Variants in JPH3 observed in about 807,000 individuals in gnomAD.
JPH3 encodes the protein junctophilin-3.
Under a neutral mutation model 59.6 loss-of-function variants are expected in JPH3, and 11 were observed. That is an observed-to-expected ratio of 0.18 (90% CI 0.12 to 0.31). The LOEUF (loss-of-function observed/expected upper bound fraction) is 0.31, where lower values mean the gene tolerates loss of function less well. JPH3 is among the 10% of genes least tolerant of loss of function. The pLI is 1.00. For synonymous variants in JPH3, 673 were observed against 483.6 expected, an observed-to-expected ratio of 1.39 and a Z score of -5.14; for missense variants, 1,202 against 1,105.7, an observed-to-expected ratio of 1.09 and a Z score of -1.24.
In JPH3 at chr16:87,665,513, C is replaced by G. The variant is rs567256025; in HGVS notation, c.1161-18629C>G. ...CTCTGAGGGAACAACCTCCTCTGAG[C>G]CTCCCAAGGCCCCCCAACATTGTGG... On this transcript the variant is annotated intron_variant, in intron 2 of 4. Coordinates refer to ENST00000284262, the MANE Select transcript of JPH3 (RefSeq NM_020655.4). 5.9e-5 allele frequency among the ~76,000 whole-genome samples: 9 copies of G among 152,364 alleles called. 1 individual carries two copies. Among genetic ancestry groups the G allele is most frequent in the African/African-American group, 2.2e-4 (9 of 41,588 alleles).
intron 2 of JPH3, among the ~76,000 whole-genome samples, chr16:87,660,094 G>A (rs2032652686): frequency 6.6e-6 from 1 of 152,116 alleles, no homozygotes; most frequent in Admixed American, 6.5e-5. Context: ...TCACCTCCCT[G>A]TGCCTCAGTT....
At chr16:87,648,411 C>T (rs1449584092) in intron 2 of JPH3, among the ~76,000 whole-genome samples, 2 of 152,020 alleles carry the variant, frequency 1.3e-5, no homozygotes, top group Non-Finnish European at 2.9e-5. Flanking sequence ...GCTCCTGCCA[C>T]TATCACAGTC....
chr16:87,632,650 T>C (rs764338085), intron 1 of JPH3, among the ~76,000 whole-genome samples: 12 of 152,182 alleles, frequency 7.9e-5, no homozygotes, highest in African/African-American at 1.2e-4. Context: ...CCCAGCACTT[T>C]GGGAGGCCAA....
At chr16:87,681,667 G>T (rs960016184) in intron 2 of JPH3, among the ~76,000 whole-genome samples, 1 of 150,354 alleles carries the variant, frequency 6.7e-6, no homozygotes, top group African/African-American at 2.5e-5. Flanking sequence ...TGCGCGCGGT[G>T]GTGACAGTTC....
chr16:87,650,042 C>T (rs1597262168), intron 2 of JPH3, among the ~76,000 whole-genome samples: 1 of 152,320 alleles, frequency 6.6e-6, no homozygotes, highest in African/African-American at 2.4e-5. Flanking sequence ...GGGGCAGGCC[C>T]ACCTTGATTC....
intron 1 of JPH3, among the ~76,000 whole-genome samples, chr16:87,610,323 G>A (rs1053329292): frequency 2.0e-5 from 3 of 152,136 alleles, no homozygotes; most frequent in African/African-American, 7.2e-5. Flanking sequence ...GGGACTAGTC[G>A]CCACCATATT....
chr16:87,635,444 A>T (rs1051289693), intron 1 of JPH3, among the ~76,000 whole-genome samples: 1 of 152,194 alleles, frequency 6.6e-6, no homozygotes, highest in Non-Finnish European at 1.5e-5. Context: ...CCTGCCAGCC[A>T]TACTTACCCA....
At position 87,690,274 on chromosome 16, in the gene JPH3, C is replaced by T. The variant is rs756328772; in HGVS notation, c.1914C>T (p.Gly638=). ...RRYSKGGACR[G]LGDDHRPEDR... is the part of the protein sequence containing the mutation. Reference sequence around the variant, plus strand: ...ACAGCAAGGGCGGCGCCTGCCGGGGCTTGGGGGACGACCACCGCCCCGAGG... The same window carrying T: ...ACAGCAAGGGCGGCGCCTGCCGGGGTTTGGGGGACGACCACCGCCCCGAGG... The change falls in exon 4 of 5, where the codon GGC becomes GGT. Residue 638 remains glycine, a synonymous_variant. Transcript: ENST00000284262. The T allele has an allele frequency of 6.2e-7, 1 of 1,601,844 alleles. No individual in the cohort carries two copies. The highest frequency in any genetic ancestry group is 1.1e-5 in the South Asian group (1 of 89,264).
At chr16:87,624,781 CTTT>C (rs1041955780) in intron 1 of JPH3, among the ~76,000 whole-genome samples, 4 of 152,134 alleles carry the variant, frequency 2.6e-5, no homozygotes, top group African/African-American at 9.7e-5. Context: ...TACCCCACAG[CTTT>C]TTTTAGTTTT....
At chr16:87,638,778 G>A (rs974405647) in intron 1 of JPH3, among the ~76,000 whole-genome samples, 7 of 152,192 alleles carry the variant, frequency 4.6e-5, no homozygotes, top group Non-Finnish European at 7.4e-5. Flanking sequence ...TCCAGCCATA[G>A]AGTGCTGAGA....
chr16:87,645,207 CAG>C (rs2032106628), intron 2 of JPH3, among the ~76,000 whole-genome samples, 172 bp downstream of exon 2: 1 of 152,202 alleles, frequency 6.6e-6, no homozygotes, highest in Non-Finnish European at 1.5e-5. Flanking sequence ...TGGAGGTTCT[CAG>C]AGGTGACTGT....
chr16:87,685,042 C>T (rs947664245), intron 3 of JPH3, among the ~76,000 whole-genome samples: 4 of 152,216 alleles, frequency 2.6e-5, no homozygotes, highest in Non-Finnish European at 5.9e-5. Flanking sequence ...TGAGGCTCTG[C>T]GCGCTGGAGG....
chr16:87,649,418 G>A (rs942590340), intron 2 of JPH3, among the ~76,000 whole-genome samples: 2 of 152,340 alleles, frequency 1.3e-5, no homozygotes, highest in African/African-American at 4.8e-5. Flanking sequence ...CGCTGTCCCC[G>A]GGTGGACATA....
chr16:87,674,758 TTTTA>T (rs1278660136), intron 2 of JPH3, among the ~76,000 whole-genome samples: 2 of 152,264 alleles, frequency 1.3e-5, no homozygotes, highest in Middle Eastern at 6.8e-3. Flanking sequence ...TTTTGTATAT[TTTTA>T]TTTATTTATT....
chr16:87,624,308 C>G (rs2031289472), intron 1 of JPH3, among the ~76,000 whole-genome samples: 1 of 152,130 alleles, frequency 6.6e-6, no homozygotes, highest in Non-Finnish European at 1.5e-5. Flanking sequence ...AGCTAGCTAC[C>G]CCTTCCCCAT....
chr16:87,623,631 G>A (rs1354757105), intron 1 of JPH3, among the ~76,000 whole-genome samples: 3 of 152,158 alleles, frequency 2.0e-5, no homozygotes, highest in East Asian at 1.9e-4. Flanking sequence ...TGCAGACCCC[G>A]AGTTCCGGAC....
At chr16:87,662,590 C>A (rs1477777979) in intron 2 of JPH3, among the ~76,000 whole-genome samples, 1 of 152,164 alleles carries the variant, frequency 6.6e-6, no homozygotes, top group Non-Finnish European at 1.5e-5. Flanking sequence ...TGAGGCTCTG[C>A]CCTCCTTTCC....
At chr16:87,666,723 G>A (rs996075415) in intron 2 of JPH3, among the ~76,000 whole-genome samples, 3 of 152,132 alleles carry the variant, frequency 2.0e-5, no homozygotes, top group East Asian at 1.9e-4. Context: ...GATGAGCCAC[G>A]GTGCATGGCC....
chr16:87,679,375 C>G (rs1435979436), intron 2 of JPH3, among the ~76,000 whole-genome samples: 1 of 152,206 alleles, frequency 6.6e-6, no homozygotes, highest in East Asian at 1.9e-4. Flanking sequence ...GACCTCCTGT[C>G]TTTAACAACC....
Sources: allele counts gnomAD v4.1 joint callset (sites outside exome capture counted in the v4.1 genomes callset), GRCh38; gene constraint gnomAD v4.1.1; transcripts MANE v1.5; gene names NCBI Gene and HGNC (gene_info 2026-07-23, HGNC 2026-07-21).